ARHGEF12: variants seen among roughly 807,000 people sequenced by gnomAD.
ARHGEF12 encodes Rho guanine nucleotide exchange factor 12, also known as KMT2A/ARHGEF12 fusion protein.
A neutral mutation model predicts 211.2 loss-of-function variants in ARHGEF12; 66 were observed. The observed-to-expected ratio is 0.31, with a 90% CI of 0.26 to 0.38. ARHGEF12 has a LOEUF of 0.38. Among genes scored for constraint, ARHGEF12 ranks in the 10% least tolerant of loss-of-function variants. ARHGEF12 has a pLI of 1.00. For synonymous variants in ARHGEF12, 592 were observed against 638.4 expected (o/e 0.93, Z 1.09); for missense variants, 1,429 against 1,869.5 (o/e 0.76, Z 4.34).
At chr11:120,339,798 A>G (rs1023122521) in intron 1 of ARHGEF12, among the ~76,000 whole-genome samples, 1 of 152,198 alleles carries the variant, frequency 6.6e-6, no homozygotes, top group Non-Finnish European at 1.5e-5. Flanking sequence ...GATGGAATTC[A>G]GCTATGTTTA....
chr11:120,367,587 A>G (rs1378668083), intron 1 of ARHGEF12, among the ~76,000 whole-genome samples: 1 of 152,020 alleles, frequency 6.6e-6, no homozygotes, highest in Admixed American at 6.5e-5. Flanking sequence ...GCTGGTCTCA[A>G]ACTCCTGACC....
chr11:120,436,535 A>G (rs1945698351), intron 11 of ARHGEF12, among the ~76,000 whole-genome samples: 1 of 152,224 alleles, frequency 6.6e-6, no homozygotes, highest in African/African-American at 2.4e-5. Context: ...TATTTTATAC[A>G]GAAGTTCTCA....
chr11:120,431,880 A>C lies in ARHGEF12; in HGVS notation c.893A>C (p.Asp298Ala). 6.2e-7 allele frequency: 1 copy of C among 1,612,008 alleles called. No individual in the cohort carries two copies. ...GGCAGGACTGACTGTAGCAGTGGAGATGCTTCTCGGCCCAGTAGTGACAAT... is the reference window on the plus strand; with the variant it reads ...GGCAGGACTGACTGTAGCAGTGGAGCTGCTTCTCGGCCCAGTAGTGACAAT... The part of the protein sequence containing the change: ...VLGRTDCSSG[D>A]ASRPSSDNAD... Residue 298 changes from aspartate (D) to alanine (A), a missense_variant, in exon 11 of 41, where the codon GAT becomes GCT. Around this residue, in one of 7 missense-constraint regions of ARHGEF12, gnomAD observed 254 missense variants for 286.4 expected, o/e 0.89. Transcript: ENST00000397843.
chr11:120,348,893 G>A (rs780810511), intron 1 of ARHGEF12, among the ~76,000 whole-genome samples: 56 of 152,106 alleles, frequency 3.7e-4, no homozygotes, highest in Admixed American at 9.8e-4. Flanking sequence ...TAGAGTGTAC[G>A]TGAAACATTA....
intron 1 of ARHGEF12, among the ~76,000 whole-genome samples, chr11:120,396,473 G>T (rs1944390670): frequency 6.6e-6 from 1 of 152,174 alleles, no homozygotes; most frequent in Non-Finnish European, 1.5e-5. Context: ...CATTACTAGT[G>T]TTAAGTCATA....
intron 6 of ARHGEF12, 43 bp downstream of exon 6, chr11:120,421,895 A>G (rs933115194): frequency 1.6e-5 from 23 of 1,481,016 alleles, no homozygotes; most frequent in Admixed American, 5.4e-5. Context: ...GGATTAAAAA[A>G]CAACATATAT....
Position 120,465,289 on chromosome 11 carries a change from G to C in ARHGEF12, c.2666G>C (p.Ser889Thr), listed in dbSNP as rs1946669777. Residue 889 changes from serine (S) to threonine (T), a missense_variant, in exon 28 of 41, where the codon AGT becomes ACT. Physicochemically the swap from Ser to Thr is moderately conservative, Grantham distance 58. Coordinates refer to ENST00000397843, the MANE Select transcript of ARHGEF12 (RefSeq NM_015313.3). The part of the protein sequence containing the change: ...KLKHAAATFC[S>T]NQPFALEMIK... ...AAACATGCTGCTGCTACCTTTTGCA[G>C]TAACCAACCTTTCGCCCTGGAAATG... The C allele has an allele frequency of 6.2e-7, 1 of 1,614,136 alleles. No homozygotes were observed. The highest frequency in any genetic ancestry group is 2.2e-5 in the East Asian group (1 of 44,876).
At chr11:120,456,531 T>C (rs1426575704) in intron 22 of ARHGEF12, among the ~76,000 whole-genome samples, 1 of 152,152 alleles carries the variant, frequency 6.6e-6, no homozygotes, top group African/African-American at 2.4e-5. Context: ...AAAAAGAGGT[T>C]ATTTGTAGTT....
At chr11:120,447,945 A>G (rs776842760) in intron 19 of ARHGEF12, 39 bp downstream of exon 19, 3 of 1,450,852 alleles carry the variant, frequency 2.1e-6, no homozygotes, top group East Asian at 2.3e-5. Flanking sequence ...ATTTTAAGAA[A>G]AAAAGAACTA....
chr11:120,431,929 T>G lies in ARHGEF12; in HGVS notation c.924+18T>G. Reference sequence around the variant, plus strand: ...ATGCAGATGTAAGCTTTCAGTTTTCTAAATCTTTTTTCTTCTGTATTCTTC... The same window carrying G: ...ATGCAGATGTAAGCTTTCAGTTTTCGAAATCTTTTTTCTTCTGTATTCTTC... On this transcript the variant is annotated intron_variant, in intron 11 of 40. Coordinates refer to ENST00000397843, the MANE Select transcript of ARHGEF12 (RefSeq NM_015313.3). 3.2e-6 allele frequency: 5 copies of G among 1,568,684 alleles called. No individual in the cohort carries two copies. In the South Asian group the frequency reaches 6.0e-5, roughly 19 times the overall value.
At chr11:120,399,348 A>AAAAAAAAAAAAAAAAAAAAAAAAG (rs1565453349) in intron 1 of ARHGEF12, among the ~76,000 whole-genome samples, 1 of 149,026 alleles carries the variant, frequency 6.7e-6, no homozygotes, top group Non-Finnish European at 1.5e-5. Flanking sequence ...AAAAAAAAAA[A>AAAAAAAAAAAAAAAAAAAAAAAAG]AAAGAAAAGA....
At chr11:120,479,931 T>G in intron 37 of ARHGEF12, 29 bp from the exon 38 acceptor site, 1 of 1,583,884 alleles carries the variant, frequency 6.3e-7, no homozygotes, top group Non-Finnish European at 8.6e-7. Context: ...GAATATGTTT[T>G]TTTTCCCCCT....
chr11:120,357,592 CAG>C (rs1372347322), intron 1 of ARHGEF12, among the ~76,000 whole-genome samples: 18 of 151,998 alleles, frequency 1.2e-4, no homozygotes, highest in Non-Finnish European at 5.9e-5. Flanking sequence ...TTTTTTGAGA[CAG>C]AGTCTCACTC....
Position 120,388,470 on chromosome 11 carries a change from T to C in ARHGEF12, c.33-17648T>C, listed in dbSNP as rs1278907337. 3.3e-5 allele frequency among the ~76,000 whole-genome samples: 5 copies of C among 152,316 alleles called. No homozygotes were observed. The South Asian group carries it at 6.2e-4, about 19-fold the overall frequency. On this transcript the variant is annotated intron_variant, in intron 1 of 40. Transcript: ENST00000397843. ...TTGTGTGTACATAAGCTTTCATCTC[T>C]TAGGTAAACACCCAGGAGTGGAATG... is the stretch of plus-strand genomic sequence containing the variant.
intron 22 of ARHGEF12, among the ~76,000 whole-genome samples, chr11:120,452,299 AGAGT>A (rs1279794584): frequency 6.6e-6 from 1 of 152,184 alleles, no homozygotes; most frequent in Non-Finnish European, 1.5e-5. Flanking sequence ...CTATTTACTG[AGAGT>A]GAGAGTTCAG....
intron 26 of ARHGEF12, among the ~76,000 whole-genome samples, chr11:120,459,638 A>AT (rs1946465393): frequency 6.6e-6 from 1 of 152,132 alleles, no homozygotes; most frequent in African/African-American, 2.4e-5. Flanking sequence ...CCAATATAAT[A>AT]ATATACGTAT....
intron 7 of ARHGEF12, among the ~76,000 whole-genome samples, chr11:120,426,334 A>G (rs1389091419): frequency 6.6e-6 from 1 of 152,222 alleles, no homozygotes; most frequent in Non-Finnish European, 1.5e-5. Flanking sequence ...TTCTAGCAAT[A>G]AATTACTTAC....
intron 33 of ARHGEF12, among the ~76,000 whole-genome samples, chr11:120,475,715 TG>T (rs1420685540): frequency 6.8e-6 from 1 of 147,902 alleles, no homozygotes; most frequent in East Asian, 1.9e-4. Flanking sequence ...AACAGTTTTC[TG>T]CATTTGAAAA....
At position 120,486,650 on chromosome 11, in the gene ARHGEF12, T is replaced by C. The variant is rs994347444; in HGVS notation, c.*1573T>C. The C allele has an allele frequency of 8.9e-6, 2 of 223,842 alleles. No individual in the cohort carries two copies. Among genetic ancestry groups the C allele is most frequent in the African/African-American group, 4.5e-5 (2 of 44,862 alleles). The allele number at this position is 223,842 out of a possible 1,614,324, so 13.9% of individuals were successfully genotyped here. ...TTCATCCGTTGCTCACATCTTTCATTGGTGCCCTCTGAACTCTGTGGGTTG... is the reference window on the plus strand; with the variant it reads ...TTCATCCGTTGCTCACATCTTTCATCGGTGCCCTCTGAACTCTGTGGGTTG... On this transcript the variant is annotated 3_prime_UTR_variant, in exon 41 of 41. Coordinates refer to ENST00000397843, the MANE Select transcript of ARHGEF12 (RefSeq NM_015313.3).
Sources: gnomAD v4.1 joint callset for allele counts (sites outside exome capture counted in the v4.1 genomes callset) on GRCh38, gnomAD v4.1.1 for gene constraint, gnomAD v4.1.1 regional missense constraint, MANE v1.5 for transcripts, NCBI Gene and HGNC (gene_info 2026-07-23, HGNC 2026-07-21) for gene names.